Variants in PIBF1 observed in about 807,000 individuals in gnomAD.
PIBF1 encodes progesterone immunomodulatory binding factor 1.
Under a neutral mutation model 112.5 loss-of-function variants are expected in PIBF1, and 90 were observed. That is an observed-to-expected ratio of 0.80 (90% CI 0.67 to 0.95). The LOEUF (loss-of-function observed/expected upper bound fraction) is 0.95. PIBF1 is among the 40% of genes least tolerant of loss of function. The pLI is 0.00. For missense variants in PIBF1, 915 were observed against 852.3 expected, an observed-to-expected ratio of 1.07 and a Z score of -0.92; for synonymous variants, 301 against 288.6, an observed-to-expected ratio of 1.04 and a Z score of -0.44.
intron 5 of PIBF1, among the ~76,000 whole-genome samples, chr13:72,821,639 T>C (rs1004425142): frequency 6.6e-6 from 1 of 152,174 alleles, no homozygotes; most frequent in Non-Finnish European, 1.5e-5. Flanking sequence ...ACAGTTTAAG[T>C]TTTAAACAAC....
chr13:72,844,777 A>ACG (rs2037783093), intron 9 of PIBF1, among the ~76,000 whole-genome samples: 1 of 134,382 alleles, frequency 7.4e-6, no homozygotes, highest in African/African-American at 2.9e-5. Context: ...ACACACACAC[A>ACG]CACACACACA....
At chr13:72,958,411 G>T (rs1443751557) in intron 14 of PIBF1, among the ~76,000 whole-genome samples, 2 of 150,832 alleles carry the variant, frequency 1.3e-5, no homozygotes, top group African/African-American at 4.9e-5. Flanking sequence ...TCACTTCCAT[G>T]CTGGTTACTC....
At chr13:72,911,998 G>C (rs2040910905) in intron 12 of PIBF1, among the ~76,000 whole-genome samples, 1 of 150,892 alleles carries the variant, frequency 6.6e-6, no homozygotes, top group South Asian at 2.1e-4. Flanking sequence ...GAAAGGAAGG[G>C]AAGAAGGAAG....
In PIBF1 at chr13:72,844,062, G is replaced by A. The variant is rs561289819; in HGVS notation, c.1223+8694G>A. Among the ~76,000 whole-genome samples the A allele has an allele frequency of 9.9e-5, 15 of 152,254 alleles. No homozygotes were observed. In the East Asian group the frequency reaches 1.2e-3, roughly 12 times the overall value. On this transcript the variant is annotated intron_variant, in intron 9 of 17. Transcript: ENST00000326291. ...ACTATTTATTGAGTACCTATTATGCGTCAAGCATTGTACTCAACACTTTAC... is the reference window on the plus strand; with the variant it reads ...ACTATTTATTGAGTACCTATTATGCATCAAGCATTGTACTCAACACTTTAC...
chr13:72,856,760 T>G (rs2038440391), intron 10 of PIBF1, among the ~76,000 whole-genome samples: 1 of 152,342 alleles, frequency 6.6e-6, no homozygotes. Flanking sequence ...ATGACATTTT[T>G]AAAAGTAGAA....
intron 10 of PIBF1, among the ~76,000 whole-genome samples, chr13:72,863,346 T>C (rs974703457): frequency 2.6e-4 from 39 of 152,154 alleles, no homozygotes; most frequent in African/African-American, 8.4e-4. Context: ...ATAAAATTTT[T>C]TCCACATTAA....
chr13:72,962,830 C>G (rs1188837724), intron 14 of PIBF1, among the ~76,000 whole-genome samples: 2 of 152,088 alleles, frequency 1.3e-5, no homozygotes, highest in Non-Finnish European at 2.9e-5. Flanking sequence ...CCAAAACAAT[C>G]TTTAAAAGGA....
chr13:72,946,210 T>G (rs2042145352), intron 14 of PIBF1, among the ~76,000 whole-genome samples: 1 of 152,130 alleles, frequency 6.6e-6, no homozygotes, highest in South Asian at 2.1e-4. Context: ...AAACACGTCC[T>G]TCTTCACATG....
intron 16 of PIBF1, among the ~76,000 whole-genome samples, chr13:72,981,352 A>C (rs895969035): frequency 6.6e-6 from 1 of 151,998 alleles, no homozygotes; most frequent in Non-Finnish European, 1.5e-5. Context: ...AAATGGTGAC[A>C]GGAAGAAGCA....
chr13:72,799,287 A>T (rs1472823896), intron 5 of PIBF1, among the ~76,000 whole-genome samples: 1 of 152,238 alleles, frequency 6.6e-6, no homozygotes, highest in Non-Finnish European at 1.5e-5. Flanking sequence ...CAATGATATT[A>T]TCCAGAAATA....
intron 8 of PIBF1, among the ~76,000 whole-genome samples, chr13:72,831,347 T>A (rs1485805792): frequency 2.0e-5 from 3 of 152,212 alleles, no homozygotes; most frequent in African/African-American, 7.2e-5. Flanking sequence ...GTTCTTTTAA[T>A]TTTGATGTTA....
intron 14 of PIBF1, among the ~76,000 whole-genome samples, chr13:72,960,341 G>A (rs910841410): frequency 6.6e-6 from 1 of 152,140 alleles, no homozygotes; most frequent in Non-Finnish European, 1.5e-5. Context: ...AGTCTGGGAG[G>A]TCGAGGCTGC....
chr13:72,816,701 A>G (rs1437831639), intron 5 of PIBF1, among the ~76,000 whole-genome samples: 2 of 151,978 alleles, frequency 1.3e-5, no homozygotes, highest in Admixed American at 6.6e-5. Context: ...TTCTTTAAAA[A>G]AAAAAAAGCC....
In PIBF1 at chr13:73,013,322, A is replaced by AG. The variant is rs1273100003; in HGVS notation, c.2224-2547_2224-2546insG. 5.9e-3 allele frequency among the ~76,000 whole-genome samples: 876 copies of AG among 148,174 alleles called. 27 individuals carry two copies. The highest frequency in any genetic ancestry group is 0.021 in the African/African-American group (813 of 39,218). On this transcript the variant is annotated intron_variant, in intron 17 of 17. Transcript: ENST00000326291. Reference sequence around the variant, plus strand: ...TCTCAAAAAAAAAAAAAAAAAAAAAAAAAAGAAAATATTAGAAGGAGATGG... The same window carrying AG: ...TCTCAAAAAAAAAAAAAAAAAAAAAAGAAAAGAAAATATTAGAAGGAGATGG...
chr13:72,958,903 C>T (rs1364077354), intron 14 of PIBF1, among the ~76,000 whole-genome samples: 4 of 152,134 alleles, frequency 2.6e-5, no homozygotes, highest in Non-Finnish European at 5.9e-5. Context: ...GGCTGATTAT[C>T]AGAATCTGAG....
chr13:72,796,273 G>A (rs546122261), intron 4 of PIBF1, among the ~76,000 whole-genome samples: 2 of 152,254 alleles, frequency 1.3e-5, no homozygotes, highest in East Asian at 1.9e-4. Flanking sequence ...ATAATTACTA[G>A]GAAAGTCGTT....
intron 16 of PIBF1, among the ~76,000 whole-genome samples, chr13:72,982,937 G>A (rs1014513064): frequency 3.3e-5 from 5 of 152,210 alleles, no homozygotes; most frequent in African/African-American, 1.2e-4. Context: ...GTCTACAGGA[G>A]AGCTACTTCC....
chr13:72,976,350 CGAA>C (rs2043022344), intron 16 of PIBF1, among the ~76,000 whole-genome samples: 1 of 150,840 alleles, frequency 6.6e-6, no homozygotes, highest in East Asian at 1.9e-4. Flanking sequence ...AGAAAGGAAG[CGAA>C]GGAGGGGAGG....
At chr13:72,826,948 A>T in intron 6 of PIBF1, 62 bp from the exon 7 acceptor site, 1 of 897,726 alleles carries the variant, frequency 1.1e-6, no homozygotes, top group Non-Finnish European at 1.7e-6. Flanking sequence ...CAACCCTTTT[A>T]AAGTGTACGC....
Sources: allele counts gnomAD v4.1 joint callset (sites outside exome capture counted in the v4.1 genomes callset), GRCh38; gene constraint gnomAD v4.1.1; transcripts MANE v1.5; gene names NCBI Gene and HGNC (gene_info 2026-07-23, HGNC 2026-07-21).